Variants in RPL8 observed in about 807,000 individuals in gnomAD.
RPL8 encodes the protein ribosomal protein L8, also known as large ribosomal subunit protein uL2.
For missense variants in RPL8, 248 were observed against 365.9 expected (o/e 0.68, Z 2.63); for synonymous variants, 182 against 143.2 (o/e 1.27, Z -1.94).
rs966823092 is a variant in RPL8, at chr8:144,789,826, G to T, written c.752C>A (p.Thr251Asn). The T allele has an allele frequency of 2.4e-5, 39 of 1,613,380 alleles. No homozygotes were observed. Among genetic ancestry groups the T allele is most frequent in the Non-Finnish European group, 3.3e-5 (39 of 1,179,856 alleles). Residue 251 changes from threonine (T) to asparagine (N), a missense_variant, in exon 5 of 5, where the codon ACT becomes AAT. By Grantham distance (65) the Thr-to-Asn change is moderately conservative. Transcript: ENST00000528957. ...RRTGRLRGTK[T>N]VQEKEN ...GCACTAGTTCTCTTTCTCCTGCACA[G>T]TCTTGGTTCCCCGGAGACGTCCAGT... is the stretch of plus-strand genomic sequence containing the variant.
Position 144,792,286 on chromosome 8 carries a change from C to A in RPL8, c.-157G>T, listed in dbSNP as rs1826565078. ...CGCACCGGCATCCTCTCAGGAGGGC[C>A]GGTCCGGGTCTCAGCGCGCCTCACG... is the stretch of plus-strand genomic sequence containing the variant. On this transcript the variant is annotated 5_prime_UTR_variant, in exon 1 of 5. Coordinates refer to ENST00000528957, the MANE Select transcript of RPL8 (RefSeq NM_001317782.2). 1 of 1,093,634 alleles carries A rather than the reference C, an allele frequency of 9.1e-7. No individual in the cohort carries two copies. Among genetic ancestry groups the A allele is most frequent in the East Asian group, 3.2e-5 (1 of 31,372 alleles). 67.7% of individuals were successfully genotyped at this position (1,093,634 alleles called of 1,614,324 possible).
At position 144,791,180 on chromosome 8, in the gene RPL8, C is replaced by T. The variant is rs575348811; in HGVS notation, c.499+97G>A. ...CCCAAGTTTTAGAACAACAGGTAAT[C>T]GAATTCCAGGGACCAAGTCTAGCCA... On this transcript the variant is annotated intron_variant, in intron 3 of 4. Coordinates refer to ENST00000528957, the MANE Select transcript of RPL8 (RefSeq NM_001317782.2). 2.2e-4 allele frequency: 270 copies of T among 1,227,948 alleles called. 2 individuals are homozygous for T. The East Asian group carries it at 6.0e-3, about 27-fold the overall frequency. The allele number at this position is 1,227,948 out of a possible 1,614,324, so 76.1% of individuals were successfully genotyped here. A position where few individuals can be genotyped will look rare whatever the true frequency, so the allele number is the denominator to read the frequency against.
Position 144,792,047 on chromosome 8 carries a change from C to A in RPL8, c.83G>T (p.Arg28Leu), listed in dbSNP as rs777113990. The A allele has an allele frequency of 6.2e-7, 1 of 1,609,104 alleles. No individual in the cohort carries two copies. The highest frequency in any genetic ancestry group is 1.1e-5 in the South Asian group (1 of 90,826). The part of the protein sequence containing the change: ...AHVKHRKGAA[R>L]LRAVDFAERH... ...CTCAGCGAAATCCACGGCGCGCAGG[C>A]GCGCAGCGCCTTTACGGTGCTTCAC... Residue 28 changes from arginine to leucine, a missense_variant, in exon 1 of 5, where the codon CGC (arginine) becomes CTC (leucine). By Grantham distance (102) the Arg-to-Leu change is moderately radical (BLOSUM62 -2). Transcript: ENST00000528957.
chr8:144,791,104 G>C (rs113509560), intron 3 of RPL8, 173 bp downstream of exon 3: 6 of 642,234 alleles, frequency 9.3e-6, no homozygotes, highest in African/African-American at 5.5e-5. Context: ...TGTTGTGCCT[G>C]TTGTACAGTG....
rs1277166506 is a variant in RPL8 at position 144,791,885 on chromosome 8, C to A, written c.168G>T (p.Ala56=). The A allele has an allele frequency of 1.9e-6, 3 of 1,613,564 alleles. No individual in the cohort carries two copies. The highest frequency in any genetic ancestry group is 1.7e-5 in the Admixed American group (1 of 60,030). Residue 56 remains alanine, a synonymous_variant, in exon 2 of 5, where the codon GCG becomes GCT. Transcript: ENST00000528957. ...KDIIHDPGRG[A]PLAKVVFRDP... ...CCCGGAAGACCACCTTGGCGAGGGG[C>A]GCGCCGCGGCCCGGGTCGTGGATGA...
intron 2 of RPL8, 120 bp downstream of exon 2, chr8:144,791,653 G>A (rs1826523114): frequency 1.3e-6 from 2 of 1,535,770 alleles, no homozygotes; most frequent in Non-Finnish European, 1.8e-6. Context: ...CTGGCCACGC[G>A]GATGTCCCCA....
Position 144,791,761 on chromosome 8 carries a change from C to G in RPL8, c.280+12G>C, listed in dbSNP as rs1826530081. 4 of 1,613,234 alleles carry G rather than the reference C, an allele frequency of 2.5e-6. No homozygotes were observed. The highest frequency in any genetic ancestry group is 1.3e-5 in the African/African-American group (1 of 74,906). ...CCCCACCCCGACCTTCCTTCCCCGC[C>G]GCGATGCTAACCCTTCTTGCCGCAA... On this transcript the variant is annotated intron_variant, in intron 2 of 4. Transcript: ENST00000528957.
rs936392075 is a variant in RPL8 at position 144,791,920 on chromosome 8, G to A, written c.139-6C>T. 4 of 1,612,470 alleles carry A rather than the reference G, an allele frequency of 2.5e-6. No homozygotes were observed. Among genetic ancestry groups the A allele is most frequent in the South Asian group, 2.2e-5 (2 of 91,064 alleles). ...CCCGGGTCGTGGATGATGTCCTGTG[G>A]GCAGAGGCGGCGTGAGTGCGGCGTT... On this transcript the variant is annotated splice_region_variant and splice_polypyrimidine_tract_variant and intron_variant, in intron 1 of 4. Transcript: ENST00000528957.
intron 2 of RPL8, 81 bp downstream of exon 2, chr8:144,791,692 T>A (rs979164684): frequency 2.4e-5 from 38 of 1,592,964 alleles, no homozygotes; most frequent in Middle Eastern, 2.3e-4. Context: ...GAGGTTCCCA[T>A]ATCGGCTTAG....
intron 4 of RPL8, 43 bp from the exon 5 acceptor site, chr8:144,790,005 A>G (rs752260185): frequency 1.3e-6 from 2 of 1,554,436 alleles, no homozygotes; most frequent in East Asian, 4.5e-5. Flanking sequence ...CTTCCCCACC[A>G]CCCCCGCCCC....
rs756076147 is a variant in RPL8 at position 144,792,103 on chromosome 8, C to T, written c.27G>A (p.Arg9=). Residue 9 remains arginine, a synonymous_variant, in exon 1 of 5, where the codon AGG becomes AGA. Coordinates refer to ENST00000528957, the MANE Select transcript of RPL8 (RefSeq NM_001317782.2). MGRVIRGQ[R]KGAGSVFRAH... ...CGCGGAACACAGACCCGGCGCCCTT[C>T]CTCTGTCCACGGATCACACGGCCCA... The T allele has an allele frequency of 3.4e-5, 54 of 1,587,648 alleles. No individual in the cohort carries two copies. The highest frequency in any genetic ancestry group is 2.7e-4 in the Admixed American group (15 of 56,528).
In RPL8 at chr8:144,790,432, A is replaced by G; in HGVS notation, c.538T>C (p.Leu180=). 1.2e-6 allele frequency: 2 copies of G among 1,614,118 alleles called. No individual in the cohort carries two copies. Among genetic ancestry groups the G allele is most frequent in the Admixed American group, 1.7e-5 (1 of 60,010 alleles). ...TTGTGGTACGCCCGGCCAGCCTTCAAGATGGGTTTGTCAATTCGGCCACCT... is the reference window on the plus strand; with the variant it reads ...TTGTGGTACGCCCGGCCAGCCTTCAGGATGGGTTTGTCAATTCGGCCACCT... The part of the protein sequence containing the change: ...AGGGRIDKPI[L]KAGRAYHKYK... The change falls in exon 4 of 5, where the codon TTG becomes CTG. Residue 180 remains leucine, a synonymous_variant. Coordinates refer to ENST00000528957, the MANE Select transcript of RPL8 (RefSeq NM_001317782.2).
Position 144,792,343 on chromosome 8 carries a change from G to A in RPL8, c.-214C>T, listed in dbSNP as rs1485016695. The stretch of plus-strand genomic sequence containing the variant: ...GATGGCGGCGGATACTGCCCATGCC[G>A]CAAGGCCGCAAGGATGACCTACCTG... On this transcript the variant is annotated 5_prime_UTR_variant, in exon 1 of 5. Coordinates refer to ENST00000528957, the MANE Select transcript of RPL8 (RefSeq NM_001317782.2). The A allele has an allele frequency of 4.1e-6, 3 of 729,164 alleles. No homozygotes were observed. Among genetic ancestry groups the A allele is most frequent in the Non-Finnish European group, 5.9e-6 (3 of 512,632 alleles). 45.2% of individuals were successfully genotyped at this position (729,164 alleles called of 1,614,324 possible).
chr8:144,789,903 G>T lies in RPL8; in HGVS notation c.675C>A (p.Ile225=). The T allele has an allele frequency of 1.2e-6, 2 of 1,613,474 alleles. No individual in the cohort carries two copies. Among genetic ancestry groups the T allele is most frequent in the Non-Finnish European group, 1.7e-6 (2 of 1,179,866 alleles). ...TGCGGCCAGCAGGGGCATCTCTGCG[G>T]ATGGTGGAGGGCTTGCCGATGTGCT... ...NHQHIGKPST[I]RRDAPAGRKV... The change falls in exon 5 of 5, where the codon ATC becomes ATA. Residue 225 remains isoleucine (I), a synonymous_variant. Transcript: ENST00000528957.
rs11539893 is a variant in RPL8 at position 144,791,484 on chromosome 8, T to C, written c.292A>G (p.Ile98Val). 47,243 of 1,613,572 alleles carry C rather than the reference T, an allele frequency of 0.029. 813 individuals carry two copies. Among genetic ancestry groups the C allele is most frequent in the Non-Finnish European group, 0.033 (39,393 of 1,179,914 alleles). The change falls in exon 3 of 5, where the codon ATT becomes GTT. Residue 98 changes from isoleucine to valine, a missense_variant. By Grantham distance (29) the Ile-to-Val change is conservative (BLOSUM62 3). Coordinates refer to ENST00000528957, the MANE Select transcript of RPL8 (RefSeq NM_001317782.2). ...VYCGKKAQLN[I>V]GNVLPVGTMP... ...GTGCCCACAGGGAGCACATTGCCAA[T>C]GTTGAGCTGGGCTGCAAGGGGAAGC...
At chr8:144,791,154 A>AC in intron 3 of RPL8, 123 bp downstream of exon 3, 1 of 940,770 alleles carries the variant, frequency 1.1e-6, no homozygotes, top group African/African-American at 1.6e-5. Flanking sequence ...AACTTACAGA[A>AC]CCCAAGTTTT....
At position 144,792,054 on chromosome 8, in the gene RPL8, C is replaced by G; in HGVS notation, c.76G>C (p.Ala26Pro). 1.9e-6 allele frequency: 3 copies of G among 1,608,594 alleles called. No homozygotes were observed. The highest frequency in any genetic ancestry group is 2.5e-6 in the Non-Finnish European group (3 of 1,178,414). ...AAATCCACGGCGCGCAGGCGCGCAG[C>G]GCCTTTACGGTGCTTCACGTGCGCG... ...FRAHVKHRKG[A>P]ARLRAVDFAE... Residue 26 changes from alanine (A) to proline (P), a missense_variant, in exon 1 of 5, where the codon GCT becomes CCT. By Grantham distance (27) the Ala-to-Pro change is conservative (BLOSUM62 -1). Transcript: ENST00000528957.
chr8:144,791,562 C>G (rs982798013), intron 2 of RPL8, 67 bp from the exon 3 acceptor site: 3 of 1,550,654 alleles, frequency 1.9e-6, no homozygotes, highest in African/African-American at 1.4e-5. Context: ...TCGCTCTAGG[C>G]AACCCGCGAA....
At position 144,792,071 on chromosome 8, in the gene RPL8, A is replaced by G; in HGVS notation, c.59T>C (p.Val20Ala). ...GCGCGCAGCGCCTTTACGGTGCTTC[A>G]CGTGCGCGCGGAACACAGACCCGGC... ...KGAGSVFRAH[V>A]KHRKGAARLR... Residue 20 changes from valine (V) to alanine (A), a missense_variant, in exon 1 of 5, where the codon GTG (valine) becomes GCG (alanine). By Grantham distance (64) the Val-to-Ala change is moderately conservative. Coordinates refer to ENST00000528957, the MANE Select transcript of RPL8 (RefSeq NM_001317782.2). 1 of 1,606,336 alleles carries G rather than the reference A, an allele frequency of 6.2e-7. No homozygotes were observed. The highest frequency in any genetic ancestry group is 8.5e-7 in the Non-Finnish European group (1 of 1,177,700).
Sources: gnomAD v4.1 joint callset for allele counts on GRCh38, gnomAD v4.1.1 for gene constraint, MANE v1.5 for transcripts, NCBI Gene and HGNC (gene_info 2026-07-23, HGNC 2026-07-21) for gene names.